Variants in RARB observed in about 807,000 individuals in gnomAD.
The protein encoded by RARB is HBV-activated protein.
In RARB, 17 loss-of-function variants were observed where a neutral mutation model predicts 51.9. That is an observed-to-expected ratio of 0.33 (90% CI 0.22 to 0.49). The LOEUF (loss-of-function observed/expected upper bound fraction) is 0.49, where lower values mean the gene tolerates loss of function less well. Among genes scored for constraint, RARB ranks in the 20% least tolerant of loss-of-function variants. The probability of loss-of-function intolerance (pLI) is 0.99; values close to 1 mark genes in which losing one functional copy is unlikely to be tolerated. For synonymous variants in RARB, 215 were observed against 195.4 expected (o/e 1.10, Z -0.84); for missense variants, 369 against 550.8 (o/e 0.67, Z 3.30).
At position 25,004,956 on chromosome 3, in the gene RARB, T is replaced by C. The variant is rs145842230; in HGVS notation, c.-379-55169T>C. On this transcript the variant is annotated intron_variant, in intron 2 of 11. Coordinates refer to the RARB transcript ENST00000383772. ...GTTCCTTTCAGCAGCTTTTCCTGTT[T>C]AGCCAATGGAAGTTTCGTTTTGCTA... 1.8e-3 allele frequency among the ~76,000 whole-genome samples: 279 copies of C among 152,306 alleles called. 1 individual carries two copies. Among genetic ancestry groups the C allele is most frequent in the African/African-American group, 6.5e-3 (272 of 41,574 alleles).
intron 5 of RARB, among the ~76,000 whole-genome samples, chr3:25,586,651 A>T (rs1055693637): frequency 1.3e-5 from 2 of 152,208 alleles, no homozygotes; most frequent in African/African-American, 4.8e-5. Context: ...CCTTCTGGTG[A>T]CGCAAAAGTG....
intron 4 of RARB, among the ~76,000 whole-genome samples, chr3:25,141,854 A>G (rs1453266215): frequency 6.6e-6 from 1 of 152,224 alleles, no homozygotes; most frequent in Non-Finnish European, 1.5e-5. Context: ...TACAGGCAGC[A>G]TAACGGCATG....
intron 5 of RARB, among the ~76,000 whole-genome samples, chr3:25,183,189 C>T (rs1700898855): frequency 6.6e-6 from 1 of 152,170 alleles, no homozygotes; most frequent in Non-Finnish European, 1.5e-5. Context: ...TTTATTTTCT[C>T]ATAATTTTGT....
At position 25,104,228 on chromosome 3, in the gene RARB, G is replaced by A. The variant is rs143493186; in HGVS notation, c.-327-27933G>A. 7.7e-4 allele frequency among the ~76,000 whole-genome samples: 117 copies of A among 152,290 alleles called. 1 individual carries two copies. The East Asian group carries it at 0.021, about 28-fold the overall frequency. On this transcript the variant is annotated intron_variant, in intron 3 of 11. Transcript: ENST00000383772. ...AATTGAAAAAGACGGACAATACCAA[G>A]TTTTCACAAGGCTGTGGTGCAACCA...
intron 2 of RARB, among the ~76,000 whole-genome samples, chr3:24,890,944 G>A (rs4269051): frequency 0.067 from 10,176 of 152,140 alleles, 541 homozygotes; most frequent in East Asian, 0.14. Context: ...CTGCAAAATG[G>A]GGATAATTAG....
At chr3:25,012,975 A>T (rs1484495143) in intron 2 of RARB, among the ~76,000 whole-genome samples, 2 of 152,072 alleles carry the variant, frequency 1.3e-5, no homozygotes, top group Non-Finnish European at 1.5e-5. Flanking sequence ...TCTTTTTGGT[A>T]TCTTTCTCAG....
In RARB at chr3:25,168,997, A is replaced by G. The variant is rs188586294; in HGVS notation, c.-279-5122A>G. Among the ~76,000 whole-genome samples the G allele has an allele frequency of 2.6e-5, 4 of 152,340 alleles. No homozygotes were observed. The East Asian group carries it at 7.7e-4, about 29-fold the overall frequency. ...GGATCAGAAATCTGAATAATATTGG[A>G]CTTTTCTAAAGCAATGTAAAAAGCT... On this transcript the variant is annotated intron_variant, in intron 4 of 11. Coordinates refer to the RARB transcript ENST00000383772.
At chr3:25,322,164 G>A (rs1472335860) in intron 5 of RARB, among the ~76,000 whole-genome samples, 5 of 150,622 alleles carry the variant, frequency 3.3e-5, no homozygotes, top group African/African-American at 1.2e-4. Context: ...TGGTATATGA[G>A]GTGGGCATTG....
chr3:24,891,449 T>C lies in RARB; in HGVS notation c.-380+32697T>C, dbSNP rs548040077. Among the ~76,000 whole-genome samples the C allele has an allele frequency of 4.6e-5, 7 of 152,300 alleles. No homozygotes were observed. The East Asian group carries it at 9.7e-4, about 21-fold the overall frequency. On this transcript the variant is annotated intron_variant, in intron 2 of 11. Transcript: ENST00000383772. ...AGAATCATAGCCCCCACTAGGTTAG[T>C]AGTGAGTACTATGAGAAACTCACAT...
At chr3:25,593,442 C>G in intron 5 of RARB, 61 bp from the exon 6 acceptor site, 4 of 1,467,256 alleles carry the variant, frequency 2.7e-6, no homozygotes, top group Non-Finnish European at 3.8e-6. Context: ...CTGCTTACAT[C>G]TGATTGATGA....
intron 3 of RARB, among the ~76,000 whole-genome samples, chr3:25,556,591 C>T (rs1700068843): frequency 6.6e-6 from 1 of 152,170 alleles, no homozygotes; most frequent in Non-Finnish European, 1.5e-5. Context: ...AAATTCTGGT[C>T]CTATAAATTA....
intron 4 of RARB, among the ~76,000 whole-genome samples, chr3:25,171,652 A>AAAAAAAACAAAAAAAAC (rs1700649686): frequency 6.8e-6 from 1 of 147,068 alleles, no homozygotes; most frequent in African/African-American, 2.5e-5. Context: ...GTAAAAAAAA[A>AAAAAAAACAAAAAAAAC]AAAAAAAAAC....
chr3:25,439,145 T>C lies in RARB; in HGVS notation c.157+10257T>C, dbSNP rs568609061. Among the ~76,000 whole-genome samples, 5 of 152,306 alleles carry C rather than the reference T, an allele frequency of 3.3e-5. No homozygotes were observed. The East Asian group carries it at 9.7e-4, about 29-fold the overall frequency. ...AAAGATGGGTGCTAAGTGTTTGTGC[T>C]AGAGAGTGTCTCTTCATTAAGTGGA... On this transcript the variant is annotated intron_variant, in intron 1 of 7. Coordinates refer to ENST00000330688, the MANE Select transcript of RARB (RefSeq NM_000965.5).
chr3:24,898,264 G>A (rs1703521063), intron 2 of RARB, among the ~76,000 whole-genome samples: 1 of 151,662 alleles, frequency 6.6e-6, no homozygotes, highest in Non-Finnish European at 1.5e-5. Flanking sequence ...GACCATGCTT[G>A]TGAAATAGCC....
intron 5 of RARB, among the ~76,000 whole-genome samples, chr3:25,211,912 T>C (rs1701708293): frequency 6.6e-6 from 1 of 152,202 alleles, no homozygotes; most frequent in Non-Finnish European, 1.5e-5. Flanking sequence ...TCGATCACTT[T>C]CCCTTTCTTG....
At chr3:25,405,250 G>C (rs964124805) in intron 5 of RARB, among the ~76,000 whole-genome samples, 1 of 152,144 alleles carries the variant, frequency 6.6e-6, no homozygotes, top group Non-Finnish European at 1.5e-5. Flanking sequence ...TGGGCACAAT[G>C]GCTCATGGCT....
Position 25,345,799 on chromosome 3 carries a change from G to T in RARB, c.179-115394G>T, listed in dbSNP as rs1012655497. 3 of 422,088 alleles carry T rather than the reference G, an allele frequency of 7.1e-6. No homozygotes were observed. In the East Asian group the frequency reaches 4.7e-4, roughly 67 times the overall value. 26.1% of individuals were successfully genotyped at this position (422,088 alleles called of 1,614,324 possible). A position where few individuals can be genotyped will look rare whatever the true frequency, so the allele number is the denominator to read the frequency against. On this transcript the variant is annotated intron_variant, in intron 5 of 11. Transcript: ENST00000383772. Reference sequence around the variant, plus strand: ...TAAATAAGTTTCTCAGAGTGATTGTGCATGAAATGAACTGTATCAGTTAAT... The same window carrying T: ...TAAATAAGTTTCTCAGAGTGATTGTTCATGAAATGAACTGTATCAGTTAAT...
At chr3:25,115,823 G>A (rs1699677498) in intron 3 of RARB, among the ~76,000 whole-genome samples, 1 of 151,958 alleles carries the variant, frequency 6.6e-6, no homozygotes. Context: ...TAGAGGTACA[G>A]TCTTGCTATG....
chr3:24,890,600 C>A lies in RARB; in HGVS notation c.-380+31848C>A, dbSNP rs762159924. On this transcript the variant is annotated intron_variant, in intron 2 of 11. Coordinates refer to the RARB transcript ENST00000383772. ...CCCATCTCTTGGTGGGGGGCAACTA[C>A]CCCTCAAAAGAAATGACTTTGTCAT... Among the ~76,000 whole-genome samples the A allele has an allele frequency of 3.3e-5, 5 of 152,068 alleles. No individual in the cohort carries two copies. In the East Asian group the frequency reaches 7.7e-4, roughly 24 times the overall value.
Sources: gnomAD v4.1 joint callset for allele counts (sites outside exome capture counted in the v4.1 genomes callset) on GRCh38, gnomAD v4.1.1 for gene constraint, MANE v1.5 for transcripts, NCBI Gene and HGNC (gene_info 2026-07-23, HGNC 2026-07-21) for gene names.